The following DACH1 variants were observed in gnomAD, a reference collection of about 807,000 sequenced individuals.
DACH1 encodes the protein dachshund family transcription factor 1.
A neutral mutation model predicts 54.2 loss-of-function variants in DACH1; 12 were observed. That is an observed-to-expected ratio of 0.22 (90% CI 0.14 to 0.36). The LOEUF (loss-of-function observed/expected upper bound fraction) is 0.36, where lower values mean the gene tolerates loss of function less well. Ranked by LOEUF, DACH1 falls within the 10% of genes least tolerant of loss-of-function variation. DACH1 has a pLI of 1.00. For missense variants in DACH1, 805 were observed against 929.8 expected (o/e 0.87, Z 1.75); for synonymous variants, 386 against 366.2 (o/e 1.05, Z -0.62).
chr13:71,467,554 A>T (rs1026927945), intron 10 of DACH1, among the ~76,000 whole-genome samples: 17 of 151,744 alleles, frequency 1.1e-4, no homozygotes, highest in African/African-American at 3.9e-4. Flanking sequence ...AAATAAAAAA[A>T]ATTCTAAAAT....
chr13:71,652,060 G>A (rs10507795), intron 2 of DACH1, among the ~76,000 whole-genome samples: 1,586 of 152,098 alleles, frequency 0.01, 56 homozygotes, highest in Admixed American at 0.067. Flanking sequence ...ATGCTAGATC[G>A]TATTCCTATT....
At chr13:71,528,827 CA>C (rs1156536499) in intron 6 of DACH1, among the ~76,000 whole-genome samples, 12 of 151,982 alleles carry the variant, frequency 7.9e-5, no homozygotes, top group Admixed American at 2.0e-4. Context: ...AACCTACCTA[CA>C]AAACAGAGTA....
In DACH1 at chr13:71,586,112, G is replaced by C. The variant is rs545384488; in HGVS notation, c.1127-13100C>G. On this transcript the variant is annotated intron_variant, in intron 3 of 10. Coordinates refer to ENST00000613252, the MANE Select transcript of DACH1 (RefSeq NM_080759.6). Reference sequence around the variant, plus strand: ...TTTTTTAATTAAGAAAAAACTATCTGTATCATGTTTGGAAGGTTTCACATA... The same window carrying C: ...TTTTTTAATTAAGAAAAAACTATCTCTATCATGTTTGGAAGGTTTCACATA... Among the ~76,000 whole-genome samples the C allele has an allele frequency of 9.2e-5, 14 of 152,134 alleles. 1 individual carries two copies. The East Asian group carries it at 2.7e-3, about 30-fold the overall frequency.
intron 6 of DACH1, among the ~76,000 whole-genome samples, chr13:71,517,460 C>T (rs937409641): frequency 6.6e-6 from 1 of 151,822 alleles, no homozygotes; most frequent in South Asian, 2.1e-4. Flanking sequence ...TGTCAGTCTT[C>T]GTAGTTGTGT....
chr13:71,600,511 G>C (rs1009292000), intron 3 of DACH1, among the ~76,000 whole-genome samples: 1 of 151,630 alleles, frequency 6.6e-6, no homozygotes, highest in Non-Finnish European at 1.5e-5. Flanking sequence ...TATATATCAT[G>C]TGCATATATA....
chr13:71,646,485 T>A (rs1308915184), intron 2 of DACH1, among the ~76,000 whole-genome samples: 1 of 152,186 alleles, frequency 6.6e-6, no homozygotes, highest in Non-Finnish European at 1.5e-5. Context: ...CTAATACATG[T>A]CATAAAAACA....
chr13:71,507,874 T>C lies in DACH1; in HGVS notation c.1571-18726A>G, dbSNP rs112256864. Among the ~76,000 whole-genome samples the C allele has an allele frequency of 8.5e-3, 1,292 of 152,322 alleles. 16 individuals carry two copies. Among genetic ancestry groups the C allele is most frequent in the Middle Eastern group, 0.017 (5 of 294 alleles). On this transcript the variant is annotated intron_variant, in intron 6 of 10. Coordinates refer to ENST00000613252, the MANE Select transcript of DACH1 (RefSeq NM_080759.6). ...GCTTAGTCCTGCCAATGTTAATATA[T>C]TTTCTAATTGTCTATCATCTATTTA...
intron 3 of DACH1, among the ~76,000 whole-genome samples, chr13:71,612,547 G>A (rs1224434780): frequency 2.0e-5 from 3 of 152,096 alleles, no homozygotes; most frequent in Non-Finnish European, 4.4e-5. Context: ...AGTCCAAACA[G>A]TAGACCCTGC....
intron 1 of DACH1, among the ~76,000 whole-genome samples, chr13:71,822,775 C>T (rs1436573978): frequency 6.6e-6 from 1 of 151,920 alleles, no homozygotes; most frequent in Non-Finnish European, 1.5e-5. Context: ...TTCACTAGGA[C>T]CTTATATGAT....
intron 3 of DACH1, among the ~76,000 whole-genome samples, chr13:71,574,584 G>A (rs1885419488): frequency 6.6e-6 from 1 of 151,932 alleles, no homozygotes. Context: ...ACTTCATGAA[G>A]ACAGTTAAGG....
intron 1 of DACH1, among the ~76,000 whole-genome samples, chr13:71,745,873 C>G (rs1192123231): frequency 2.0e-5 from 3 of 152,212 alleles, no homozygotes; most frequent in African/African-American, 7.2e-5. Context: ...GTTATCTATA[C>G]TTACTAAGAG....
intron 6 of DACH1, among the ~76,000 whole-genome samples, chr13:71,548,231 T>C: frequency 1.3e-5 from 2 of 152,326 alleles, no homozygotes; most frequent in Middle Eastern, 6.8e-3. Context: ...GAAAAGTCAT[T>C]ATTATGTCAA....
chr13:71,762,768 C>CAAAAAA (rs34543654), intron 1 of DACH1, among the ~76,000 whole-genome samples: 41 of 71,166 alleles, frequency 5.8e-4, no homozygotes, highest in Non-Finnish European at 6.9e-4. Context: ...AACTTTGTCT[C>CAAAAAA]AAAAAAAAAA....
Position 71,713,089 on chromosome 13 carries a change from C to CT in DACH1, c.849-31180dup, listed in dbSNP as rs111368443. 3.8e-3 allele frequency among the ~76,000 whole-genome samples: 546 copies of CT among 143,626 alleles called. 3 individuals carry two copies. Among genetic ancestry groups the CT allele is most frequent in the African/African-American group, 0.011 (421 of 39,908 alleles). 94.2% of individuals were successfully genotyped at this position (143,626 alleles called of 152,430 possible). On this transcript the variant is annotated intron_variant, in intron 1 of 10. Coordinates refer to ENST00000613252, the MANE Select transcript of DACH1 (RefSeq NM_080759.6). ...GCCCAAGATTTCTTCTTTTCTTCTTCTTTTTTTTTTTTTCCTTTCTGTTTT... is the reference window on the plus strand; with the variant it reads ...GCCCAAGATTTCTTCTTTTCTTCTTCTTTTTTTTTTTTTTCCTTTCTGTTTT...
At chr13:71,686,211 C>G (rs572929317) in intron 1 of DACH1, among the ~76,000 whole-genome samples, 1 of 152,222 alleles carries the variant, frequency 6.6e-6, no homozygotes, top group Admixed American at 6.5e-5. Context: ...ATGCATTAGC[C>G]TTAGTACAGG....
intron 10 of DACH1, 64 bp downstream of exon 10, chr13:71,475,077 G>A: frequency 6.9e-7 from 1 of 1,454,548 alleles, no homozygotes; most frequent in Non-Finnish European, 9.7e-7. Flanking sequence ...TTGAATAGCA[G>A]GCTAAAGCTG....
chr13:71,465,013 G>C (rs1876438279), intron 10 of DACH1, among the ~76,000 whole-genome samples: 1 of 151,990 alleles, frequency 6.6e-6, no homozygotes, highest in African/African-American at 2.4e-5. Context: ...TCTCCAAAAT[G>C]ATGTTCTCAT....
chr13:71,635,441 TTAAA>T (rs1877413228), intron 2 of DACH1, among the ~76,000 whole-genome samples: 1 of 152,188 alleles, frequency 6.6e-6, no homozygotes, highest in African/African-American at 2.4e-5. Context: ...TACAGTAGCC[TTAAA>T]TAGAGGTCTC....
intron 1 of DACH1, among the ~76,000 whole-genome samples, chr13:71,753,603 T>C (rs1300248477): frequency 2.0e-5 from 3 of 152,210 alleles, no homozygotes; most frequent in Non-Finnish European, 4.4e-5. Context: ...TTGCTGACAC[T>C]GTTCCAGTAA....
Sources: gnomAD v4.1 joint callset for allele counts (sites outside exome capture counted in the v4.1 genomes callset) on GRCh38, gnomAD v4.1.1 for gene constraint, MANE v1.5 for transcripts, NCBI Gene and HGNC (gene_info 2026-07-23, HGNC 2026-07-21) for gene names.